Variants in NBEA observed in about 807,000 individuals in gnomAD.
NBEA encodes lysosomal-trafficking regulator 2.
NBEA carries 44 observed loss-of-function variants against 343.4 expected under a neutral mutation model. That is an observed-to-expected ratio of 0.13 (90% CI 0.10 to 0.16). The LOEUF (loss-of-function observed/expected upper bound fraction) is 0.16, where lower values mean the gene tolerates loss of function less well. Among genes scored for constraint, NBEA ranks in the 10% least tolerant of loss-of-function variants. The pLI is 1.00. For missense variants in NBEA, 2,555 were observed against 3,631.3 expected, an observed-to-expected ratio of 0.70 and a Z score of 7.62; for synonymous variants, 1,175 against 1,238.7, an observed-to-expected ratio of 0.95 and a Z score of 1.08.
intron 25 of NBEA, among the ~76,000 whole-genome samples, chr13:35,170,350 G>A (rs944620997): frequency 1.3e-5 from 2 of 151,724 alleles, no homozygotes; most frequent in African/African-American, 2.4e-5. Context: ...TGGCTAGTGT[G>A]TCCATTTTCA....
chr13:35,430,145 A>T (rs373072887), intron 38 of NBEA, among the ~76,000 whole-genome samples: 3 of 151,912 alleles, frequency 2.0e-5, no homozygotes, highest in East Asian at 1.9e-4. Context: ...TTTTTTGATT[A>T]TGTTCATTCT....
chr13:35,373,452 TC>T (rs2041560163), intron 38 of NBEA, among the ~76,000 whole-genome samples: 1 of 152,154 alleles, frequency 6.6e-6, no homozygotes, highest in African/African-American at 2.4e-5. Context: ...ACACCTGTAA[TC>T]CCAGCACTTT....
intron 34 of NBEA, among the ~76,000 whole-genome samples, chr13:35,274,411 T>C (rs185401405): frequency 3.9e-5 from 6 of 152,308 alleles, no homozygotes; most frequent in Admixed American, 2.0e-4. Flanking sequence ...AATATCATAC[T>C]GAATGGGCAA....
intron 4 of NBEA, among the ~76,000 whole-genome samples, chr13:35,047,745 A>G (rs1029212837): frequency 6.7e-6 from 1 of 150,028 alleles, no homozygotes; most frequent in African/African-American, 2.5e-5. Context: ...AATGCAGAAG[A>G]TTTTTGACAT....
chr13:35,034,527 C>T lies in NBEA; in HGVS notation c.295-6406C>T, dbSNP rs183246201. Among the ~76,000 whole-genome samples, 23 of 151,736 alleles carry T rather than the reference C, an allele frequency of 1.5e-4. No homozygotes were observed. The East Asian group carries it at 2.3e-3, about 15-fold the overall frequency. The stretch of plus-strand genomic sequence containing the variant: ...GACTGGTTTTGGTATCCGGGTAATA[C>T]GGGCCTCATGGAATGAGTTTGGAAG... On this transcript the variant is annotated intron_variant, in intron 1 of 58. Coordinates refer to ENST00000379939, the MANE Select transcript of NBEA (RefSeq NM_001385012.1).
Position 35,161,792 on chromosome 13 carries a change from C to A in NBEA, c.3904C>A (p.Arg1302=), listed in dbSNP as rs1346872676. 1.9e-6 allele frequency: 3 copies of A among 1,612,230 alleles called. No homozygotes were observed. The highest frequency in any genetic ancestry group is 2.5e-6 in the Non-Finnish European group (3 of 1,179,256). Residue 1302 remains arginine, a synonymous_variant, in exon 23 of 59, where the codon CGA becomes AGA. Coordinates refer to ENST00000379939, the MANE Select transcript of NBEA (RefSeq NM_001385012.1). Reference sequence around the variant, plus strand: ...TATCACCCAACAAGACCGAGATCTCCGAGTTGATTTAGGATTTCGAGGAAT... The same window carrying A: ...TATCACCCAACAAGACCGAGATCTCAGAGTTGATTTAGGATTTCGAGGAAT... ...RSITQQDRDL[R]VDLGFRGMPM...
chr13:35,144,272 T>A (rs1015728763), intron 18 of NBEA, among the ~76,000 whole-genome samples: 8 of 152,160 alleles, frequency 5.3e-5, no homozygotes, highest in African/African-American at 1.4e-4. Flanking sequence ...ATGGATGGAA[T>A]ATTCATAAAG....
intron 17 of NBEA, among the ~76,000 whole-genome samples, chr13:35,141,349 C>A (rs546976865): frequency 6.6e-6 from 1 of 152,308 alleles, no homozygotes; most frequent in African/African-American, 2.4e-5. Flanking sequence ...TCACTGCAAC[C>A]TCCACCTCCC....
At chr13:35,005,543 C>G (rs2061289597) in intron 1 of NBEA, among the ~76,000 whole-genome samples, 2 of 152,132 alleles carry the variant, frequency 1.3e-5, no homozygotes, top group South Asian at 4.1e-4. Context: ...TGTTAGCTTG[C>G]AAGTAGGGTA....
chr13:35,243,326 C>T (rs1245904999), intron 34 of NBEA, among the ~76,000 whole-genome samples: 7 of 151,842 alleles, frequency 4.6e-5, no homozygotes, highest in Non-Finnish European at 7.4e-5. Flanking sequence ...TTCAACTACA[C>T]ACAAAGGAGG....
At chr13:35,263,698 A>G (rs190017859) in intron 34 of NBEA, among the ~76,000 whole-genome samples, 2 of 152,060 alleles carry the variant, frequency 1.3e-5, no homozygotes, top group Non-Finnish European at 2.9e-5. Context: ...CAAAGAAGAT[A>G]TTAAAAGAAA....
intron 35 of NBEA, among the ~76,000 whole-genome samples, chr13:35,291,290 G>T (rs2035788684): frequency 6.6e-6 from 1 of 151,790 alleles, no homozygotes; most frequent in South Asian, 2.1e-4. Flanking sequence ...CTGGCCTGAG[G>T]TTTGCCTAAA....
At chr13:35,432,599 T>G (rs187117520) in intron 39 of NBEA, among the ~76,000 whole-genome samples, 184 of 152,214 alleles carry the variant, frequency 1.2e-3, no homozygotes, top group South Asian at 8.3e-3. Flanking sequence ...TTTTGTAGCC[T>G]TCAACTTATT....
intron 36 of NBEA, among the ~76,000 whole-genome samples, chr13:35,339,927 T>C (rs918802030): frequency 2.6e-5 from 4 of 152,068 alleles, no homozygotes; most frequent in African/African-American, 4.8e-5. Context: ...AATTTGGGTG[T>C]GAACACAGAT....
chr13:34,980,696 ATTGGTTACTAT>A (rs1446125946), intron 1 of NBEA, among the ~76,000 whole-genome samples: 3 of 152,046 alleles, frequency 2.0e-5, no homozygotes, highest in African/African-American at 4.8e-5. Flanking sequence ...TTAGGAGGAA[ATTGGTTACTAT>A]TTGATCATTT....
At chr13:35,093,907 T>C (rs1194304032) in intron 10 of NBEA, among the ~76,000 whole-genome samples, 1 of 151,862 alleles carries the variant, frequency 6.6e-6, no homozygotes, top group African/African-American at 2.4e-5. Flanking sequence ...TTAGTAAATA[T>C]ATGAAAGGAG....
intron 44 of NBEA, among the ~76,000 whole-genome samples, chr13:35,562,245 A>G (rs531290277): frequency 1.5e-4 from 23 of 152,202 alleles, no homozygotes; most frequent in Admixed American, 9.2e-4. Context: ...ATGATTGTGT[A>G]AAATAATCTT....
chr13:35,311,220 G>GA (rs1356031692), intron 36 of NBEA, among the ~76,000 whole-genome samples: 1 of 151,910 alleles, frequency 6.6e-6, no homozygotes, highest in Non-Finnish European at 1.5e-5. Flanking sequence ...TGAATAAACA[G>GA]AAAAAACTAT....
chr13:35,367,060 A>G (rs1845247103), intron 38 of NBEA, among the ~76,000 whole-genome samples: 1 of 151,366 alleles, frequency 6.6e-6, no homozygotes, highest in Admixed American at 6.6e-5. Flanking sequence ...CATGATAATG[A>G]TACATTCTAA....
Sources: allele counts gnomAD v4.1 joint callset (sites outside exome capture counted in the v4.1 genomes callset), GRCh38; gene constraint gnomAD v4.1.1; transcripts MANE v1.5; gene names NCBI Gene and HGNC (gene_info 2026-07-23, HGNC 2026-07-21).